SHLD1: variants seen among roughly 807,000 people sequenced by gnomAD.
The protein encoded by SHLD1 is RINN1-REV7-interacting novel NHEJ regulator 3.
A neutral mutation model predicts 5.5 loss-of-function variants in SHLD1; 3 were observed. The observed-to-expected ratio is 0.54, with a 90% confidence interval of 0.25 to 1.40. The LOEUF (loss-of-function observed/expected upper bound fraction) is 1.40. SHLD1 is among the 40% of genes most tolerant of loss of function. SHLD1 has a pLI of 0.15. For missense variants in SHLD1, 210 were observed against 244.4 expected (o/e 0.86, Z 0.94); for synonymous variants, 92 against 94.3 (o/e 0.98, Z 0.14).
At chr20:5,862,079 G>T (rs1157971025) in intron 2 of SHLD1, among the ~76,000 whole-genome samples, 3 of 152,106 alleles carry the variant, frequency 2.0e-5, no homozygotes, top group Non-Finnish European at 4.4e-5. Flanking sequence ...TTCAGATTAG[G>T]ATTCTACCTA....
intron 1 of SHLD1, among the ~76,000 whole-genome samples, chr20:5,763,904 T>C: frequency 7.2e-6 from 1 of 138,840 alleles, no homozygotes; most frequent in African/African-American, 2.7e-5. Context: ...AGGTCAGGAG[T>C]TCAAGACCAG....
At chr20:5,774,040 C>T (rs1389193542) in intron 2 of SHLD1, among the ~76,000 whole-genome samples, 4 of 152,016 alleles carry the variant, frequency 2.6e-5, no homozygotes, top group South Asian at 2.1e-4. Flanking sequence ...CCTGTCTCTA[C>T]TAAAAATACA....
At chr20:5,853,617 G>A (rs1398759073) in intron 2 of SHLD1, among the ~76,000 whole-genome samples, 4 of 152,038 alleles carry the variant, frequency 2.6e-5, no homozygotes, top group Admixed American at 6.6e-5. Flanking sequence ...GTGACAGAGT[G>A]ATCCAAACTT....
At chr20:5,813,086 G>A (rs992125103) in intron 2 of SHLD1, among the ~76,000 whole-genome samples, 5 of 151,846 alleles carry the variant, frequency 3.3e-5, no homozygotes, top group South Asian at 2.1e-4. Flanking sequence ...ATGTTGCCCC[G>A]GCTGCTCTAG....
intron 2 of SHLD1, among the ~76,000 whole-genome samples, chr20:5,845,087 C>T (rs111356617): frequency 0.02 from 3,060 of 152,028 alleles, 76 homozygotes; most frequent in East Asian, 0.099. Flanking sequence ...CATGAGCCAC[C>T]GTGCCCAGCC....
At chr20:5,848,441 C>T (rs1171371577) in intron 2 of SHLD1, among the ~76,000 whole-genome samples, 4 of 152,158 alleles carry the variant, frequency 2.6e-5, no homozygotes, top group Admixed American at 2.0e-4. Flanking sequence ...ATCACTTGAA[C>T]CCGGGAGGCA....
At chr20:5,860,240 G>T (rs1012984606) in intron 2 of SHLD1, among the ~76,000 whole-genome samples, 1 of 152,184 alleles carries the variant, frequency 6.6e-6, no homozygotes, top group African/African-American at 2.4e-5. Flanking sequence ...AGCATCATTT[G>T]TTAGGCAATT....
chr20:5,853,318 C>T (rs547286799), intron 2 of SHLD1, among the ~76,000 whole-genome samples: 7 of 152,164 alleles, frequency 4.6e-5, no homozygotes, highest in African/African-American at 1.2e-4. Context: ...TGATGGTGCA[C>T]GCCTGCAGTC....
chr20:5,759,448 A>G (rs915169686), intron 1 of SHLD1, among the ~76,000 whole-genome samples: 1 of 151,778 alleles, frequency 6.6e-6, no homozygotes, highest in Non-Finnish European at 1.5e-5. Flanking sequence ...TTTACTAGAG[A>G]TGGGATTTCA....
At chr20:5,860,425 T>G (rs552970951) in intron 2 of SHLD1, among the ~76,000 whole-genome samples, 36 of 152,170 alleles carry the variant, frequency 2.4e-4, no homozygotes, top group Non-Finnish European at 5.0e-4. Flanking sequence ...AGGCCACCAA[T>G]CCTGATTTTT....
chr20:5,755,281 G>A lies in SHLD1; in HGVS notation c.-5+4802G>A, dbSNP rs1984008966. Among the ~76,000 whole-genome samples, 3 of 152,164 alleles carry A rather than the reference G, an allele frequency of 2.0e-5. 1 individual carries two copies. The South Asian group carries it at 6.2e-4, about 31-fold the overall frequency. ...GCACCAGTCTGGAGGTGAGTGGCAG[G>A]CGAACTAGCATTACTCTCTGAGCTC... is the stretch of plus-strand genomic sequence containing the variant. On this transcript the variant is annotated intron_variant, in intron 1 of 2. Coordinates refer to ENST00000303142, the MANE Select transcript of SHLD1 (RefSeq NM_152504.4).
intron 1 of SHLD1, among the ~76,000 whole-genome samples, chr20:5,761,383 T>C (rs1984456386): frequency 6.7e-6 from 1 of 149,326 alleles, no homozygotes; most frequent in South Asian, 2.1e-4. Flanking sequence ...ATAACAAATA[T>C]GCACCTTCTG....
At chr20:5,802,292 C>T (rs1252574544) in intron 2 of SHLD1, among the ~76,000 whole-genome samples, 1 of 152,208 alleles carries the variant, frequency 6.6e-6, no homozygotes, top group Admixed American at 6.5e-5. Flanking sequence ...GTCCTCCAGG[C>T]CCTGCTTTCC....
intron 2 of SHLD1, among the ~76,000 whole-genome samples, chr20:5,837,450 T>C (rs1398827318): frequency 1.3e-5 from 2 of 152,060 alleles, no homozygotes; most frequent in African/African-American, 4.8e-5. Context: ...TTCCTGATGC[T>C]CTCCCTCCCC....
intron 2 of SHLD1, among the ~76,000 whole-genome samples, chr20:5,841,577 A>T (rs897561089): frequency 1.3e-5 from 2 of 152,220 alleles, no homozygotes; most frequent in African/African-American, 4.8e-5. Context: ...ATGTGAAATG[A>T]AATTTATGGA....
chr20:5,807,514 G>T (rs988763410), intron 2 of SHLD1, among the ~76,000 whole-genome samples: 1 of 152,086 alleles, frequency 6.6e-6, no homozygotes, highest in African/African-American at 2.4e-5. Flanking sequence ...GGGACTACAG[G>T]TGTGTTCCAC....
chr20:5,821,427 C>T (rs999232525), intron 2 of SHLD1, among the ~76,000 whole-genome samples: 17 of 152,118 alleles, frequency 1.1e-4, no homozygotes, highest in African/African-American at 3.1e-4. Flanking sequence ...GCACGAGAAT[C>T]GCTTGAACCA....
chr20:5,800,767 C>G (rs1884841445), intron 2 of SHLD1, among the ~76,000 whole-genome samples: 1 of 152,124 alleles, frequency 6.6e-6, no homozygotes, highest in African/African-American at 2.4e-5. Flanking sequence ...CCCTTTTCTT[C>G]TACCTCAAAC....
rs1484381927 is a variant in SHLD1, at chr20:5,855,825, C to A, written c.179-7199C>A. Among the ~76,000 whole-genome samples the A allele has an allele frequency of 6.6e-6, 1 of 152,196 alleles. No homozygotes were observed. Among genetic ancestry groups the A allele is most frequent in the Non-Finnish European group, 1.5e-5 (1 of 68,038 alleles). On this transcript the variant is annotated intron_variant, in intron 2 of 2. Transcript: ENST00000303142. The surrounding 1 kb of genome is among the most constrained non-coding windows in gnomAD (Gnocchi z 4.4). ...TGTTCACCAATATTCTCTGCCTCTCCCTACAGGATATTCTTTCATCCTCAT... is the reference window on the plus strand; with the variant it reads ...TGTTCACCAATATTCTCTGCCTCTCACTACAGGATATTCTTTCATCCTCAT...
Sources: gnomAD v4.1 joint callset for allele counts (sites outside exome capture counted in the v4.1 genomes callset) on GRCh38, gnomAD v4.1.1 for gene constraint, Gnocchi (gnomAD v3.1) non-coding constraint, MANE v1.5 for transcripts, NCBI Gene and HGNC (gene_info 2026-07-23, HGNC 2026-07-21) for gene names.